IQCM: variants seen among roughly 807,000 people sequenced by gnomAD.
The protein encoded by IQCM is IQ motif containing M, also known as IQ domain-containing protein M.
Under a neutral mutation model 57.6 loss-of-function variants are expected in IQCM, and 45 were observed. That is an observed-to-expected ratio of 0.78 (90% confidence interval 0.62 to 1.00). IQCM has a LOEUF of 1.00. Ranked by LOEUF, IQCM falls within the 50% of genes least tolerant of loss-of-function variation. IQCM has a pLI of 0.00. For synonymous variants in IQCM, 148 were observed against 158.9 expected (o/e 0.93, Z 0.51); for missense variants, 468 against 511.6 (o/e 0.91, Z 0.82).
intron 9 of IQCM, among the ~76,000 whole-genome samples, chr4:149,577,089 T>C (rs1359596319): frequency 2.0e-5 from 3 of 151,930 alleles, no homozygotes; most frequent in African/African-American, 7.2e-5. Context: ...TGGGGTTGTT[T>C]TTTGCTTGTT....
intron 9 of IQCM, among the ~76,000 whole-genome samples, chr4:149,567,508 A>C (rs1178145470): frequency 6.6e-6 from 1 of 151,874 alleles, no homozygotes; most frequent in Admixed American, 6.6e-5. Flanking sequence ...CACCACACAC[A>C]GCTAATTTTT....
chr4:149,742,032 T>C (rs550215616), intron 3 of IQCM, among the ~76,000 whole-genome samples: 1 of 152,132 alleles, frequency 6.6e-6, no homozygotes, highest in Non-Finnish European at 1.5e-5. Context: ...CTGGTAGACA[T>C]ACTAAAAAAG....
intron 13 of IQCM, among the ~76,000 whole-genome samples, chr4:149,411,916 C>T (rs1733407944): frequency 6.6e-6 from 1 of 152,126 alleles, no homozygotes; most frequent in African/African-American, 2.4e-5. Flanking sequence ...TACTTCAGAA[C>T]TGAAGGTCTC....
At chr4:149,409,376 T>C (rs1283296583) in intron 13 of IQCM, among the ~76,000 whole-genome samples, 1 of 152,202 alleles carries the variant, frequency 6.6e-6, no homozygotes, top group Admixed American at 6.5e-5. Flanking sequence ...CTCAGATATT[T>C]TGGCACTCCC....
In IQCM at chr4:149,395,919, G is replaced by T. The variant is rs10520020; in HGVS notation, c.1390+37477C>A. On this transcript the variant is annotated intron_variant, in intron 13 of 13. Transcript: ENST00000636793. The stretch of plus-strand genomic sequence containing the variant: ...CCAGTTTTACTTTTTCCCAATTAGC[G>T]TTACTTCTGAGTTGAATTTAATTCT... Among the ~76,000 whole-genome samples, 2 of 151,604 alleles carry T rather than the reference G, an allele frequency of 1.3e-5. 1 individual carries two copies. Among genetic ancestry groups the T allele is most frequent in the South Asian group, 4.1e-4 (2 of 4,820 alleles).
chr4:149,353,130 G>C (rs577130023), intron 13 of IQCM, among the ~76,000 whole-genome samples: 15 of 152,222 alleles, frequency 9.9e-5, no homozygotes, highest in African/African-American at 3.1e-4. Context: ...AAAAGGACCT[G>C]AATAGGCATT....
rs571312860 is a variant in IQCM, at chr4:149,690,545, A to G, written c.386-4077T>C. Among the ~76,000 whole-genome samples the G allele has an allele frequency of 2.8e-4, 42 of 152,204 alleles. 1 individual carries two copies. The highest frequency in any genetic ancestry group is 9.6e-4 in the African/African-American group (40 of 41,544). ...TAAAGAACTTAACTTGTAGCCAAAT[A>G]CCACCAATACCCCAATAACATATAG... On this transcript the variant is annotated intron_variant, in intron 5 of 13. Transcript: ENST00000636793.
intron 5 of IQCM, among the ~76,000 whole-genome samples, chr4:149,702,528 A>T (rs773468639): frequency 6.6e-6 from 1 of 151,936 alleles, no homozygotes; most frequent in Non-Finnish European, 1.5e-5. Flanking sequence ...GTAAAGAGTC[A>T]TCCTTTTCCT....
intron 2 of IQCM, among the ~76,000 whole-genome samples, chr4:149,791,765 A>T (rs1772639373): frequency 6.6e-6 from 1 of 152,166 alleles, no homozygotes; most frequent in Non-Finnish European, 1.5e-5. Context: ...TGTTTAGATG[A>T]AGAGCGTCTA....
At chr4:149,378,723 G>A (rs923460747) in intron 13 of IQCM, among the ~76,000 whole-genome samples, 6 of 152,190 alleles carry the variant, frequency 3.9e-5, no homozygotes, top group African/African-American at 1.4e-4. Context: ...ACAATGTAAT[G>A]TAAAAGAAAA....
chr4:149,664,305 C>T lies in IQCM; in HGVS notation c.565+17813G>A, dbSNP rs1325224438. Among the ~76,000 whole-genome samples the T allele has an allele frequency of 2.0e-5, 3 of 151,984 alleles. 1 individual carries two copies. Among genetic ancestry groups the T allele is most frequent in the East Asian group, 3.9e-4 (2 of 5,156 alleles). ...TCAGACATTTCATAAGTATCCTTTTCTTTGGGGTCTGTTACTATAGACTTA... is the reference window on the plus strand; with the variant it reads ...TCAGACATTTCATAAGTATCCTTTTTTTTGGGGTCTGTTACTATAGACTTA... On this transcript the variant is annotated intron_variant, in intron 7 of 13. Coordinates refer to ENST00000636793, the MANE Select transcript of IQCM (RefSeq NM_001363507.2).
At chr4:149,543,721 TTAAAGTATAA>T (rs1748095064) in intron 12 of IQCM, among the ~76,000 whole-genome samples, 1 of 146,888 alleles carries the variant, frequency 6.8e-6, no homozygotes, top group Non-Finnish European at 1.5e-5. Context: ...ACCCTAAAAC[TTAAAGTATAA>T]TAATAATAGA....
At chr4:149,579,627 G>T (rs1338158159) in intron 9 of IQCM, among the ~76,000 whole-genome samples, 1 of 151,878 alleles carries the variant, frequency 6.6e-6, no homozygotes, top group Non-Finnish European at 1.5e-5. Context: ...GCTCTCTTGG[G>T]CAGGACCTTT....
At chr4:149,486,199 T>A (rs1741487350) in intron 12 of IQCM, among the ~76,000 whole-genome samples, 1 of 152,094 alleles carries the variant, frequency 6.6e-6, no homozygotes, top group Non-Finnish European at 1.5e-5. Flanking sequence ...GCCCTTCTCT[T>A]CAGGGCATCA....
intron 7 of IQCM, among the ~76,000 whole-genome samples, chr4:149,659,853 C>T (rs6850571): frequency 0.022 from 3,265 of 151,074 alleles, 93 homozygotes; most frequent in South Asian, 0.14. Flanking sequence ...AAGACTTAAA[C>T]GTTAGACCTA....
intron 12 of IQCM, among the ~76,000 whole-genome samples, chr4:149,521,970 C>T (rs1054909656): frequency 6.6e-6 from 1 of 152,154 alleles, no homozygotes; most frequent in Non-Finnish European, 1.5e-5. Context: ...GACCAAAACA[C>T]CACCCCTTAT....
intron 7 of IQCM, among the ~76,000 whole-genome samples, chr4:149,634,712 C>G (rs1215754791): frequency 6.6e-6 from 1 of 152,150 alleles, no homozygotes; most frequent in African/African-American, 2.4e-5. Flanking sequence ...AATGAAGCCT[C>G]TATCAAATAT....
chr4:149,372,313 A>G (rs1321045576), intron 13 of IQCM, among the ~76,000 whole-genome samples: 1 of 152,174 alleles, frequency 6.6e-6, no homozygotes, highest in South Asian at 2.1e-4. Flanking sequence ...ATGAACTCAT[A>G]GACTGTATTA....
intron 5 of IQCM, among the ~76,000 whole-genome samples, chr4:149,730,377 C>T (rs1766345407): frequency 6.6e-6 from 1 of 152,146 alleles, no homozygotes; most frequent in South Asian, 2.1e-4. Flanking sequence ...CCCATCTCTA[C>T]AGCCAGTAAA....
Sources: allele counts gnomAD v4.1 joint callset (sites outside exome capture counted in the v4.1 genomes callset), GRCh38; gene constraint gnomAD v4.1.1; transcripts MANE v1.5; gene names NCBI Gene and HGNC (gene_info 2026-07-23, HGNC 2026-07-21).